Variants in CSMD1 observed in about 807,000 individuals in gnomAD.
CSMD1 encodes CUB and Sushi multiple domains 1, also known as CUB and sushi domain-containing protein 1.
A neutral mutation model predicts 417.5 loss-of-function variants in CSMD1; 213 were observed. That is an observed-to-expected ratio of 0.51 (90% confidence interval 0.46 to 0.57). The LOEUF (loss-of-function observed/expected upper bound fraction) is 0.57, where lower values mean the gene tolerates loss of function less well. CSMD1 is among the 20% of genes least tolerant of loss of function. The probability of loss-of-function intolerance (pLI) is 0.00; values close to 1 mark genes in which losing one functional copy is unlikely to be tolerated. For missense variants in CSMD1, 6,923 were observed against 4,529.7 expected (o/e 1.53, Z -15.17); for synonymous variants, 2,862 against 1,736.8 (o/e 1.65, Z -16.11).
intron 12 of CSMD1, among the ~76,000 whole-genome samples, chr8:3,454,734 C>T (rs549757397): frequency 6.6e-6 from 1 of 152,258 alleles, no homozygotes; most frequent in African/African-American, 2.4e-5. Context: ...TTCTCTCTGC[C>T]TGCCCTTTAA....
intron 2 of CSMD1, among the ~76,000 whole-genome samples, chr8:4,532,726 G>C (rs1312115139): frequency 2.4e-5 from 3 of 122,560 alleles, no homozygotes; most frequent in Non-Finnish European, 4.8e-5. Context: ...CCCCCATTCA[G>C]TCACTCCAGA....
At chr8:4,034,512 G>A (rs770519024) in intron 3 of CSMD1, among the ~76,000 whole-genome samples, 1 of 152,072 alleles carries the variant, frequency 6.6e-6, no homozygotes, top group Non-Finnish European at 1.5e-5. Context: ...GCTGTTTATA[G>A]TACATTAAAA....
intron 5 of CSMD1, among the ~76,000 whole-genome samples, chr8:3,878,627 T>C (rs1307882410): frequency 1.3e-5 from 2 of 152,238 alleles, no homozygotes; most frequent in Non-Finnish European, 1.5e-5. Context: ...TCTCTGTTTA[T>C]TGACAGAAAA....
intron 3 of CSMD1, among the ~76,000 whole-genome samples, chr8:4,070,759 G>C (rs1014406087): frequency 6.6e-6 from 1 of 152,102 alleles, no homozygotes; most frequent in Non-Finnish European, 1.5e-5. Context: ...TCCACCACGA[G>C]CCTGTCACTG....
At chr8:4,089,370 A>T (rs1339312855) in intron 3 of CSMD1, among the ~76,000 whole-genome samples, 5 of 152,180 alleles carry the variant, frequency 3.3e-5, no homozygotes, top group Non-Finnish European at 5.9e-5. Flanking sequence ...CTGAGAAGAC[A>T]TTTTCAGAGG....
rs573662848 is a variant in CSMD1 at position 3,777,163 on chromosome 8, A to C, written c.819-23121T>G. On this transcript the variant is annotated intron_variant, in intron 5 of 69. Coordinates refer to ENST00000635120, the MANE Select transcript of CSMD1 (RefSeq NM_033225.6). ...ACACACACACACACACACACACATC[A>C]TATATATATGTATGTGTGTCTGTTA... Among the ~76,000 whole-genome samples, 11 of 150,492 alleles carry C rather than the reference A, an allele frequency of 7.3e-5. No individual in the cohort carries two copies. In the South Asian group the frequency reaches 2.1e-3, roughly 29 times the overall value.
At chr8:4,142,467 A>T (rs1803848779) in intron 3 of CSMD1, among the ~76,000 whole-genome samples, 2 of 151,130 alleles carry the variant, frequency 1.3e-5, no homozygotes, top group Non-Finnish European at 2.9e-5. Flanking sequence ...AGAATAATCT[A>T]CCTTGTTATT....
At chr8:3,603,377 C>T (rs575152998) in intron 8 of CSMD1, among the ~76,000 whole-genome samples, 8 of 152,078 alleles carry the variant, frequency 5.3e-5, no homozygotes, top group South Asian at 2.1e-4. Flanking sequence ...GACTTAGGCG[C>T]GGCAGGCTCA....
chr8:3,463,045 C>T (rs1816607706), intron 12 of CSMD1, among the ~76,000 whole-genome samples: 1 of 152,208 alleles, frequency 6.6e-6, no homozygotes, highest in Non-Finnish European at 1.5e-5. Flanking sequence ...ACGGTCCTCA[C>T]CAGACACCAA....
At chr8:3,119,201 G>A (rs574572616) in intron 41 of CSMD1, among the ~76,000 whole-genome samples, 7 of 151,720 alleles carry the variant, frequency 4.6e-5, no homozygotes, top group Non-Finnish European at 8.8e-5. Context: ...AAAAGGAAAT[G>A]CAAGTAATAA....
chr8:2,975,923 C>G (rs920464921), intron 55 of CSMD1, among the ~76,000 whole-genome samples: 1 of 152,072 alleles, frequency 6.6e-6, no homozygotes, highest in African/African-American at 2.4e-5. Context: ...AGTACAAAAC[C>G]AAATGGAAGT....
At chr8:4,455,928 C>G (rs1403502534) in intron 2 of CSMD1, among the ~76,000 whole-genome samples, 1 of 2,434 alleles carries the variant, frequency 4.1e-4, no homozygotes, top group Non-Finnish European at 9.2e-4. Context: ...GACTCCAACT[C>G]CAAAAAAAAA....
At chr8:4,989,939 G>C (rs771677273) in intron 1 of CSMD1, among the ~76,000 whole-genome samples, 2 of 152,162 alleles carry the variant, frequency 1.3e-5, no homozygotes, top group African/African-American at 4.8e-5. Context: ...CATTGCCCCC[G>C]GGAGGAGCTG....
intron 1 of CSMD1, among the ~76,000 whole-genome samples, chr8:4,913,168 T>G (rs1320414762): frequency 6.6e-6 from 1 of 152,142 alleles, no homozygotes; most frequent in East Asian, 1.9e-4. Context: ...CACAGGACAG[T>G]GGGTCTTGCA....
chr8:3,523,174 G>C (rs1797585611), intron 10 of CSMD1, among the ~76,000 whole-genome samples: 2 of 152,178 alleles, frequency 1.3e-5, no homozygotes, highest in South Asian at 4.2e-4. Flanking sequence ...TAGATGCTGG[G>C]CTACTTGGAA....
At chr8:4,190,023 C>A (rs995481205) in intron 3 of CSMD1, among the ~76,000 whole-genome samples, 2 of 151,554 alleles carry the variant, frequency 1.3e-5, no homozygotes, top group African/African-American at 4.9e-5. Context: ...CTTTGGGAGG[C>A]CAAGGCAGGT....
At chr8:4,261,787 G>C (rs1178121167) in intron 3 of CSMD1, among the ~76,000 whole-genome samples, 1 of 151,966 alleles carries the variant, frequency 6.6e-6, no homozygotes. Flanking sequence ...TAATTAGTTT[G>C]ATAATGGTAA....
At chr8:4,403,094 G>A (rs1380983212) in intron 3 of CSMD1, among the ~76,000 whole-genome samples, 2 of 151,960 alleles carry the variant, frequency 1.3e-5, no homozygotes, top group African/African-American at 2.4e-5. Context: ...GCCTCCCAAA[G>A]TGCTGGGATT....
At chr8:3,231,883 A>G (rs978533412) in intron 26 of CSMD1, among the ~76,000 whole-genome samples, 12 of 152,222 alleles carry the variant, frequency 7.9e-5, no homozygotes, top group Non-Finnish European at 1.5e-4. Flanking sequence ...TAAGTCTGCT[A>G]TGAAGATGAA....
Sources: allele counts gnomAD v4.1 joint callset (sites outside exome capture counted in the v4.1 genomes callset), GRCh38; gene constraint gnomAD v4.1.1; transcripts MANE v1.5; gene names NCBI Gene and HGNC (gene_info 2026-07-23, HGNC 2026-07-21).